AKAP8L: variants seen among roughly 807,000 people sequenced by gnomAD.
AKAP8L encodes the protein A-kinase anchor protein 8-like.
In AKAP8L, 34 loss-of-function variants were observed where a neutral mutation model predicts 77.5. The ratio of observed to expected loss-of-function variants is 0.44; its 90% confidence interval spans 0.33 to 0.58. AKAP8L has a LOEUF of 0.58. AKAP8L is among the 20% of genes least tolerant of loss of function. The probability of loss-of-function intolerance (pLI) is 0.02; values close to 1 mark genes in which losing one functional copy is unlikely to be tolerated. For synonymous variants in AKAP8L, 342 were observed against 340.7 expected (o/e 1.00, Z -0.04); for missense variants, 806 against 887.6 (o/e 0.91, Z 1.17).
rs1413740083 is a variant in AKAP8L at position 15,397,271 on chromosome 19, A to C, written c.1415T>G (p.Met472Arg). The change falls in exon 12 of 14, where the codon ATG (methionine) becomes AGG (arginine). Residue 472 changes from methionine to arginine, a missense_variant. Met to Arg is a moderately conservative substitution (Grantham distance 91). Transcript: ENST00000397410. The surrounding 1 kb of genome is among the most constrained non-coding windows in gnomAD (Gnocchi z 4.7). ...CTCCACCTTCTTCACAAAATGCTCC[A>C]TGGCAATTTCTGTAGTGGGGAGGAG... Reference protein sequence around the residue: ...RDQDLTQEIAMEHFVKKVEAA... With the variant: ...RDQDLTQEIAREHFVKKVEAA... 6.2e-7 allele frequency: 1 copy of C among 1,613,952 alleles called. No homozygotes were observed.
At chr19:15,405,056 A>C (rs956298551) in intron 2 of AKAP8L, among the ~76,000 whole-genome samples, 1 of 152,248 alleles carries the variant, frequency 6.6e-6, no homozygotes, top group Admixed American at 6.5e-5. Flanking sequence ...CCATTTGTTT[A>C]TGTATCCCCT....
In AKAP8L at chr19:15,401,618, G is replaced by A. The variant is rs1433774357; in HGVS notation, c.363-15C>T. ...AAGAGTCATACCTGCAGAGGCATGGGGTGAGCATCAGGTGGAGCCCCTCAG... is the reference window on the plus strand; with the variant it reads ...AAGAGTCATACCTGCAGAGGCATGGAGTGAGCATCAGGTGGAGCCCCTCAG... On this transcript the variant is annotated splice_polypyrimidine_tract_variant and intron_variant, in intron 4 of 13. Coordinates refer to ENST00000397410, the MANE Select transcript of AKAP8L (RefSeq NM_014371.4). This position sits in a 1 kb window ranked among gnomAD's most constrained non-coding sequence, Gnocchi z 6.2. 3.2e-6 allele frequency: 5 copies of A among 1,550,644 alleles called. No homozygotes were observed. In the Admixed American group the frequency reaches 9.2e-5, roughly 28 times the overall value.
rs1378381502 is a variant in AKAP8L, at chr19:15,400,863, A to T, written c.915T>A (p.Asp305Glu). ...DCSDNSDSDN[D>E]EGTEGEATEG... ...CTGTGGCTTCCCCCTCGGTGCCCTCATCTGAAAGGGAAAAGGAGGTAAGCT... is the reference window on the plus strand; with the variant it reads ...CTGTGGCTTCCCCCTCGGTGCCCTCTTCTGAAAGGGAAAAGGAGGTAAGCT... Residue 305 changes from aspartate to glutamate, a missense_variant and splice_region_variant, in exon 7 of 14, where the codon GAT becomes GAA. By Grantham distance (45) the Asp-to-Glu change is conservative (BLOSUM62 2). Transcript: ENST00000397410. 3 of 1,613,840 alleles carry T rather than the reference A, an allele frequency of 1.9e-6. No homozygotes were observed. The highest frequency in any genetic ancestry group is 2.5e-6 in the Non-Finnish European group (3 of 1,179,876).
Position 15,418,915 on chromosome 19 carries a change from G to A in AKAP8L, c.9C>T (p.Tyr3=). The A allele has an allele frequency of 1.2e-6, 2 of 1,604,276 alleles. No homozygotes were observed. Among genetic ancestry groups the A allele is most frequent in the South Asian group, 2.2e-5 (2 of 90,994 alleles). The change falls in exon 1 of 14, where the codon TAC becomes TAT. Residue 3 remains tyrosine, a synonymous_variant. Transcript: ENST00000397410. MS[Y]TGFVQGSETT... is the part of the protein sequence containing the mutation. ...ACCCCACCCTGCCAGGCCCACCTGT[G>A]TAGCTCATGGTGGCGGGCAACACAA... is the stretch of plus-strand genomic sequence containing the variant.
chr19:15,401,593 A>G lies in AKAP8L; in HGVS notation c.373T>C (p.Tyr125His). 1.3e-6 allele frequency: 2 copies of G among 1,595,790 alleles called. No individual in the cohort carries two copies. Among genetic ancestry groups the G allele is most frequent in the Non-Finnish European group, 1.7e-6 (2 of 1,172,254 alleles). The change falls in exon 5 of 14, where the codon TAT becomes CAT. Residue 125 changes from tyrosine (Y) to histidine (H), a missense_variant. Physicochemically the swap from Tyr to His is moderately conservative, Grantham distance 83. Transcript: ENST00000397410. This position sits in a 1 kb window ranked among gnomAD's most constrained non-coding sequence, Gnocchi z 6.2. The part of the protein sequence containing the change: ...YGSGGERYDS[Y>H]ESCDSRAVLS... ...ACGGCCCTCGAGTCGCAGGACTCATAAGAGTCATACCTGCAGAGGCATGGG... is the reference window on the plus strand; with the variant it reads ...ACGGCCCTCGAGTCGCAGGACTCATGAGAGTCATACCTGCAGAGGCATGGG...
rs768235349 is a variant in AKAP8L at position 15,397,884 on chromosome 19, G to A, written c.1158-29C>T. ...CCACAGGAAGGAAACGAGGGGCTGAGGCTGCAAGTGTCCCAGGGGATAGTG... is the reference window on the plus strand; with the variant it reads ...CCACAGGAAGGAAACGAGGGGCTGAAGCTGCAAGTGTCCCAGGGGATAGTG... On this transcript the variant is annotated intron_variant, in intron 9 of 13. Transcript: ENST00000397410. The surrounding 1 kb of genome is among the most constrained non-coding windows in gnomAD (Gnocchi z 4.7). 4.5e-5 allele frequency: 73 copies of A among 1,608,778 alleles called. No homozygotes were observed. The highest frequency in any genetic ancestry group is 6.0e-5 in the Non-Finnish European group (71 of 1,177,696).
intron 1 of AKAP8L, among the ~76,000 whole-genome samples, chr19:15,416,389 A>T (rs958468276): frequency 4.6e-5 from 7 of 152,172 alleles, no homozygotes; most frequent in African/African-American, 1.7e-4. Flanking sequence ...TCTTTCTGGG[A>T]TCATTCAGTC....
Position 15,398,614 on chromosome 19 carries a change from C to T in AKAP8L, c.1157+688G>A, listed in dbSNP as rs1967826154. 1.3e-5 allele frequency: 13 copies of T among 986,768 alleles called. No individual in the cohort carries two copies. Among genetic ancestry groups the T allele is most frequent in the African/African-American group, 1.7e-5 (1 of 57,366 alleles). The allele number at this position is 986,768 out of a possible 1,614,324, so 61.1% of individuals were successfully genotyped here. On this transcript the variant is annotated intron_variant, in intron 9 of 13. Coordinates refer to ENST00000397410, the MANE Select transcript of AKAP8L (RefSeq NM_014371.4). The surrounding 1 kb of genome is among the most constrained non-coding windows in gnomAD (Gnocchi z 9.2). Reference sequence around the variant, plus strand: ...AGGAGGCCAGCCGCCACCGAGACCTCGGGGCGGGTCCCTACCTCTGCCGGA... The same window carrying T: ...AGGAGGCCAGCCGCCACCGAGACCTTGGGGCGGGTCCCTACCTCTGCCGGA...
intron 12 of AKAP8L, 138 bp from the exon 13 acceptor site, chr19:15,380,750 C>G: frequency 1.5e-6 from 1 of 689,002 alleles, no homozygotes; most frequent in Non-Finnish European, 2.5e-6. Flanking sequence ...AGGGCCACTC[C>G]ACAAGCATGG....
intron 12 of AKAP8L, among the ~76,000 whole-genome samples, chr19:15,389,235 G>GAA (rs1285680371): frequency 1.7e-4 from 14 of 83,858 alleles, no homozygotes; most frequent in African/African-American, 5.7e-4. Context: ...AAAAAAAAAA[G>GAA]AAAAAAAAAA....
In AKAP8L at chr19:15,418,907, C is replaced by T. The variant is rs752295725; in HGVS notation, c.13+4G>A. ...AGAGCCCGACCCCACCCTGCCAGGC[C>T]CACCTGTGTAGCTCATGGTGGCGGG... On this transcript the variant is annotated splice_donor_region_variant and intron_variant, in intron 1 of 13. Coordinates refer to ENST00000397410, the MANE Select transcript of AKAP8L (RefSeq NM_014371.4). 2 of 1,603,116 alleles carry T rather than the reference C, an allele frequency of 1.2e-6. No individual in the cohort carries two copies. Among genetic ancestry groups the T allele is most frequent in the Non-Finnish European group, 1.7e-6 (2 of 1,179,036 alleles).
chr19:15,385,276 C>T (rs1428098159), intron 12 of AKAP8L, among the ~76,000 whole-genome samples: 2 of 132,340 alleles, frequency 1.5e-5, no homozygotes, highest in Non-Finnish European at 3.2e-5. Context: ...CGCGCCCGGC[C>T]TTTCATGCCA....
intron 12 of AKAP8L, among the ~76,000 whole-genome samples, chr19:15,395,537 T>A (rs539718871): frequency 2.3e-4 from 35 of 151,180 alleles, no homozygotes; most frequent in African/African-American, 8.5e-4. Flanking sequence ...AAGGTCTCCA[T>A]CTCTTGACCT....
At position 15,399,340 on chromosome 19, in the gene AKAP8L, G is replaced by C. The variant is rs764248565; in HGVS notation, c.1119C>G (p.Asp373Glu). The C allele has an allele frequency of 6.2e-7, 1 of 1,613,836 alleles. No individual in the cohort carries two copies. The highest frequency in any genetic ancestry group is 1.7e-5 in the Admixed American group (1 of 60,004). Residue 373 changes from aspartate to glutamate, a missense_variant, in exon 9 of 14, where the codon GAC becomes GAG. Physicochemically the swap from Asp to Glu is conservative, Grantham distance 45. Transcript: ENST00000397410. The surrounding 1 kb of genome is among the most constrained non-coding windows in gnomAD (Gnocchi z 6.1). ...GGTCTCGCTGCCGCTTTTTCTGCTT[G>C]TCCTGACTCTTCTTGCCTGCCTGCA... The part of the protein sequence containing the change: ...RKLQAGKKSQ[D>E]KQKKRQRDRM...
At position 15,380,132 on chromosome 19, in the gene AKAP8L, C is replaced by A. The variant is rs959542098; in HGVS notation, c.1931G>T (p.Gly644Val). ...DVEDDEEGGG[G>V]AP The stretch of plus-strand genomic sequence containing the variant: ...CGCCCCGAGCTCGGGTCACGGGGCG[C>A]CCCCGCCGCCCTCCTCGTCGTCCTC... Residue 644 changes from glycine to valine, a missense_variant, in exon 14 of 14, where the codon GGC (glycine) becomes GTC (valine). Coordinates refer to ENST00000397410, the MANE Select transcript of AKAP8L (RefSeq NM_014371.4). The A allele has an allele frequency of 2.0e-6, 3 of 1,495,360 alleles. No homozygotes were observed. The highest frequency in any genetic ancestry group is 2.7e-6 in the Non-Finnish European group (3 of 1,131,554). The allele number at this position is 1,495,360 out of a possible 1,614,324, so 92.6% of individuals were successfully genotyped here.
chr19:15,404,201 G>A (rs1967955469), intron 2 of AKAP8L, 159 bp from the exon 3 acceptor site: 2 of 654,276 alleles, frequency 3.1e-6, no homozygotes, highest in Admixed American at 6.2e-5. Flanking sequence ...AAATGACCCA[G>A]GCCACTTGCT....
chr19:15,390,188 G>C (rs1967631995), intron 12 of AKAP8L, among the ~76,000 whole-genome samples: 1 of 152,130 alleles, frequency 6.6e-6, no homozygotes, highest in South Asian at 2.1e-4. Context: ...GGCCAAGGCA[G>C]GCAGATCGCT....
chr19:15,399,482 G>GA lies in AKAP8L; in HGVS notation c.1049-73dup. 2 of 1,132,470 alleles carry GA rather than the reference G, an allele frequency of 1.8e-6. No homozygotes were observed. Among genetic ancestry groups the GA allele is most frequent in the Non-Finnish European group, 2.7e-6 (2 of 746,090 alleles). The allele number at this position is 1,132,470 out of a possible 1,614,324, so 70.2% of individuals were successfully genotyped here. ...AGGGCAGGCCCTGCGGCCTCTGGCT[G>GA]AATCACCCACTGTCCACTCCAGAGG... On this transcript the variant is annotated intron_variant, in intron 8 of 13. Transcript: ENST00000397410. The surrounding 1 kb of genome is among the most constrained non-coding windows in gnomAD (Gnocchi z 6.1).
chr19:15,410,440 A>G, intron 2 of AKAP8L, 80 bp downstream of exon 2: 1 of 1,233,864 alleles, frequency 8.1e-7, no homozygotes. Flanking sequence ...TGACAGGGTG[A>G]CAGCAAAGCC....
Sources: allele counts gnomAD v4.1 joint callset (sites outside exome capture counted in the v4.1 genomes callset), GRCh38; gene constraint gnomAD v4.1.1; non-coding constraint Gnocchi (gnomAD v3.1); transcripts MANE v1.5; gene names NCBI Gene and HGNC (gene_info 2026-07-23, HGNC 2026-07-21).